Variants in KIAA0825 observed in about 807,000 individuals in gnomAD.
KIAA0825 encodes KIAA0825, also known as uncharacterized protein KIAA0825.
KIAA0825 carries 119 observed loss-of-function variants against 147.6 expected under a neutral mutation model. The observed-to-expected ratio is 0.81, with a 90% confidence interval of 0.69 to 0.94. The LOEUF (loss-of-function observed/expected upper bound fraction) is 0.94. Ranked by LOEUF, KIAA0825 falls within the 40% of genes least tolerant of loss-of-function variation. The pLI is 0.00. For synonymous variants in KIAA0825, 470 were observed against 518.1 expected (o/e 0.91, Z 1.26); for missense variants, 1,381 against 1,472.7 (o/e 0.94, Z 1.02).
Position 94,470,026 on chromosome 5 carries a change from A to C in KIAA0825, c.1807T>G (p.Cys603Gly). Residue 603 changes from cysteine to glycine, a missense_variant, in exon 10 of 21, where the codon TGT (cysteine) becomes GGT (glycine). Cys to Gly is a radical substitution (Grantham distance 159). Transcript: ENST00000682413. The stretch of plus-strand genomic sequence containing the variant: ...GCATCCTGTAAAATGCTTGTAGCAC[A>C]AACTCTGACGCAGTAGTTCGTAACC... ...FQVTNYCVRV[C>G]ATSILQDAES... is the part of the protein sequence containing the mutation. 6.4e-7 allele frequency: 1 copy of C among 1,551,796 alleles called. No individual in the cohort carries two copies. Among genetic ancestry groups the C allele is most frequent in the Non-Finnish European group, 8.7e-7 (1 of 1,146,980 alleles).
intron 20 of KIAA0825, among the ~76,000 whole-genome samples, chr5:94,239,563 G>A (rs1343572335): frequency 6.6e-6 from 1 of 151,942 alleles, no homozygotes; most frequent in African/African-American, 2.4e-5. Flanking sequence ...ATATCATTTT[G>A]CTACTGCCTT....
chr5:94,364,886 A>T (rs551199462), intron 20 of KIAA0825, among the ~76,000 whole-genome samples: 2 of 152,250 alleles, frequency 1.3e-5, no homozygotes, highest in East Asian at 3.9e-4. Context: ...GGCAAACGAG[A>T]TGCTTGCACG....
intron 20 of KIAA0825, among the ~76,000 whole-genome samples, chr5:94,330,278 A>T (rs1781136832): frequency 6.6e-6 from 1 of 152,184 alleles, no homozygotes; most frequent in Non-Finnish European, 1.5e-5. Context: ...ATAGCAGAAA[A>T]CATTCATTTC....
chr5:94,340,629 G>T (rs1782274204), intron 20 of KIAA0825, among the ~76,000 whole-genome samples: 3 of 152,076 alleles, frequency 2.0e-5, no homozygotes, highest in Admixed American at 2.0e-4. Flanking sequence ...TGATCCTGTT[G>T]CAGTGAAATA....
intron 1 of KIAA0825, among the ~76,000 whole-genome samples, chr5:94,607,506 G>T (rs1561387802): frequency 6.6e-6 from 1 of 152,112 alleles, no homozygotes; most frequent in Non-Finnish European, 1.5e-5. Flanking sequence ...CTACTCAGGA[G>T]GCGGAGGCAG....
intron 3 of KIAA0825, among the ~76,000 whole-genome samples, chr5:94,528,351 G>T (rs928364644): frequency 6.6e-6 from 1 of 152,072 alleles, no homozygotes. Context: ...TTAGAGTTAG[G>T]GTCCTCTCTT....
intron 20 of KIAA0825, among the ~76,000 whole-genome samples, chr5:94,338,235 G>A (rs1298211332): frequency 6.6e-6 from 1 of 151,414 alleles, no homozygotes; most frequent in African/African-American, 2.4e-5. Flanking sequence ...AAATCTAACA[G>A]TATTTTTTAT....
At chr5:94,606,787 G>A (rs568178595) in intron 1 of KIAA0825, among the ~76,000 whole-genome samples, 11 of 152,242 alleles carry the variant, frequency 7.2e-5, no homozygotes, top group African/African-American at 1.9e-4. Flanking sequence ...GTGGGGGCTC[G>A]TGGTTCTGCA....
intron 20 of KIAA0825, among the ~76,000 whole-genome samples, chr5:94,275,579 TTGAA>T (rs953714019): frequency 2.0e-5 from 3 of 152,140 alleles, no homozygotes; most frequent in African/African-American, 7.2e-5. Context: ...AAAATCTTTG[TTGAA>T]TGAATGAATG....
At chr5:94,498,190 G>C (rs1008745873) in intron 5 of KIAA0825, among the ~76,000 whole-genome samples, 5 of 152,194 alleles carry the variant, frequency 3.3e-5, no homozygotes, top group Non-Finnish European at 5.9e-5. Flanking sequence ...CTTGTAATCT[G>C]TTCTTAGGCT....
chr5:94,375,033 C>CTTTTT (rs35435550), intron 20 of KIAA0825, among the ~76,000 whole-genome samples: 1 of 130,492 alleles, frequency 7.7e-6, no homozygotes, highest in Non-Finnish European at 1.6e-5. Flanking sequence ...CTTTCCTTCT[C>CTTTTT]TTTTTTTTTT....
Position 94,454,776 on chromosome 5 carries a change from G to C in KIAA0825, c.2247-1707C>G, listed in dbSNP as rs115497084. On this transcript the variant is annotated intron_variant, in intron 12 of 20. Coordinates refer to ENST00000682413, the MANE Select transcript of KIAA0825 (RefSeq NM_001145678.3). ...GCAGGTTGGAAAGAGTCAGGCAGGA[G>C]AGAGGGAGATAATGAAGGCAATATT... is the stretch of plus-strand genomic sequence containing the variant. 6.3e-3 allele frequency among the ~76,000 whole-genome samples: 959 copies of C among 152,258 alleles called. 7 individuals are homozygous for C. The highest frequency in any genetic ancestry group is 0.022 in the African/African-American group (901 of 41,548).
intron 2 of KIAA0825, among the ~76,000 whole-genome samples, chr5:94,537,663 A>AC (rs1246075195): frequency 3.0e-4 from 46 of 151,764 alleles, no homozygotes; most frequent in African/African-American, 1.0e-3. Context: ...AAAAAAAAAA[A>AC]AAAAGAAAGC....
chr5:94,526,768 T>C (rs1769368566), intron 3 of KIAA0825, among the ~76,000 whole-genome samples: 1 of 152,016 alleles, frequency 6.6e-6, no homozygotes, highest in South Asian at 2.1e-4. Flanking sequence ...TTGTGATATA[T>C]ACTAGGGAAC....
chr5:94,226,978 A>T (rs564565321), intron 20 of KIAA0825, among the ~76,000 whole-genome samples: 13 of 152,330 alleles, frequency 8.5e-5, no homozygotes, highest in South Asian at 4.1e-4. Context: ...CCCTTGTGGA[A>T]GTCAGTGTGG....
At chr5:94,306,193 G>C (rs1778721540) in intron 20 of KIAA0825, among the ~76,000 whole-genome samples, 1 of 151,554 alleles carries the variant, frequency 6.6e-6, no homozygotes, top group Admixed American at 6.6e-5. Context: ...AAAAAAAAGG[G>C]GGAATGTGAA....
chr5:94,155,965 T>G (rs977568900), intron 20 of KIAA0825, among the ~76,000 whole-genome samples: 3 of 152,166 alleles, frequency 2.0e-5, no homozygotes, highest in African/African-American at 7.2e-5. Context: ...CCCTACCCAT[T>G]TTATGTGGGT....
intron 17 of KIAA0825, among the ~76,000 whole-genome samples, chr5:94,394,581 G>A (rs752220918): frequency 6.6e-6 from 1 of 152,086 alleles, no homozygotes; most frequent in Non-Finnish European, 1.5e-5. Context: ...GTACCCCTAG[G>A]TATATTACCT....
chr5:94,522,499 T>C (rs1768419471), intron 4 of KIAA0825, among the ~76,000 whole-genome samples: 1 of 151,678 alleles, frequency 6.6e-6, no homozygotes, highest in Non-Finnish European at 1.5e-5. Context: ...TTAGAACATA[T>C]GTTTAGTATG....
Sources: allele counts gnomAD v4.1 joint callset (sites outside exome capture counted in the v4.1 genomes callset), GRCh38; gene constraint gnomAD v4.1.1; transcripts MANE v1.5; gene names NCBI Gene and HGNC (gene_info 2026-07-23, HGNC 2026-07-21).